HDAC5: variants seen among roughly 807,000 people sequenced by gnomAD.
The protein encoded by HDAC5 is antigen NY-CO-9.
In HDAC5, 25 loss-of-function variants were observed where a neutral mutation model predicts 133.3. The ratio of observed to expected loss-of-function variants is 0.19; its 90% CI spans 0.14 to 0.26. The LOEUF (loss-of-function observed/expected upper bound fraction) is 0.26. Among genes scored for constraint, HDAC5 ranks in the 10% least tolerant of loss-of-function variants. HDAC5 has a pLI of 1.00. For synonymous variants in HDAC5, 589 were observed against 610.8 expected (o/e 0.96, Z 0.53); for missense variants, 1,041 against 1,460.5 (o/e 0.71, Z 4.68).
At position 44,078,245 on chromosome 17, in the gene HDAC5, G is replaced by A. The variant is rs539779826; in HGVS notation, c.*131C>T. ...CACAGGGCTGGGGGCCTGAGGCAGC[G>A]TAGAGGAGCAGGAGGGGCAAGGCTG... On this transcript the variant is annotated 3_prime_UTR_variant, in exon 27 of 27. Coordinates refer to ENST00000682912, the MANE Select transcript of HDAC5 (RefSeq NM_005474.5). 95 of 949,632 alleles carry A rather than the reference G, an allele frequency of 1.0e-4. No homozygotes were observed. Among genetic ancestry groups the A allele is most frequent in the Non-Finnish European group, 1.3e-4 (87 of 663,572 alleles). The allele number at this position is 949,632 out of a possible 1,614,324, so 58.8% of individuals were successfully genotyped here.
intron 14 of HDAC5, 183 bp from the exon 15 acceptor site, chr17:44,085,338 T>TTTC (rs1405409718): frequency 2.8e-5 from 14 of 499,336 alleles, no homozygotes; most frequent in African/African-American, 2.7e-4. Context: ...TTTTTTTTTT[T>TTTC]TTCTTTGAAA....
chr17:44,087,023 GGGCTC>G (rs1277118818), intron 13 of HDAC5, among the ~76,000 whole-genome samples: 1 of 151,634 alleles, frequency 6.6e-6, no homozygotes, highest in African/African-American at 2.4e-5. Context: ...CAGGCCCGGA[GGGCTC>G]GGCTGTGTCC....
At chr17:44,109,920 G>A (rs1031256421) in intron 3 of HDAC5, among the ~76,000 whole-genome samples, 1 of 152,266 alleles carries the variant, frequency 6.6e-6, no homozygotes, top group African/African-American at 2.4e-5. Context: ...GTGCCAGGAA[G>A]GCTTGATGCT....
At chr17:44,108,607 A>G (rs2052118955) in intron 3 of HDAC5, among the ~76,000 whole-genome samples, 1 of 151,534 alleles carries the variant, frequency 6.6e-6, no homozygotes, top group Non-Finnish European at 1.5e-5. Flanking sequence ...CTGTCTGGAG[A>G]CCGATCAAGA....
At position 44,100,785 on chromosome 17, in the gene HDAC5, G is replaced by A. The variant is rs1047636372; in HGVS notation, c.95-6951C>T. Among the ~76,000 whole-genome samples, 13 of 149,772 alleles carry A rather than the reference G, an allele frequency of 8.7e-5. 2 individuals carry two copies. The highest frequency in any genetic ancestry group is 7.9e-4 in the Admixed American group (12 of 15,098). ...AATAAATAAATACATACATACATAC[G>A]TAATTTTTTTTTCTTTTTTTTGGAG... On this transcript the variant is annotated intron_variant, in intron 3 of 26. Transcript: ENST00000682912.
At chr17:44,113,355 C>A (rs1416431203) in intron 2 of HDAC5, among the ~76,000 whole-genome samples, 1 of 152,172 alleles carries the variant, frequency 6.6e-6, no homozygotes, top group Non-Finnish European at 1.5e-5. Context: ...CAGCTCCCAG[C>A]ACCATTACAG....
intron 6 of HDAC5, 135 bp from the exon 7 acceptor site, chr17:44,092,941 G>T: frequency 1.5e-6 from 1 of 660,346 alleles, no homozygotes; most frequent in South Asian, 2.0e-5. Flanking sequence ...GGGAAGGAAT[G>T]AGGAAATAAA....
chr17:44,122,424 A>C (rs985013406), intron 1 of HDAC5, among the ~76,000 whole-genome samples: 1 of 151,890 alleles, frequency 6.6e-6, no homozygotes. Context: ...GGACACTGAA[A>C]CCAATCACCA....
In HDAC5 at chr17:44,123,518, G is replaced by A. The variant is rs546366949; in HGVS notation, c.-204C>T. The A allele has an allele frequency of 1.8e-5, 7 of 392,446 alleles. No individual in the cohort carries two copies. Among genetic ancestry groups the A allele is most frequent in the South Asian group, 1.3e-4 (1 of 7,874 alleles). The allele number at this position is 392,446 out of a possible 1,614,324, so 24.3% of individuals were successfully genotyped here. A position where few individuals can be genotyped will look rare whatever the true frequency, so the allele number is the denominator to read the frequency against. On this transcript the variant is annotated 5_prime_UTR_variant, in exon 1 of 27. Coordinates refer to ENST00000682912, the MANE Select transcript of HDAC5 (RefSeq NM_005474.5). ...GGCGCGCTCACCCGCTGCGGCTCGA[G>A]CTCCGGCTTCGCGGGCGGCGGCGGC...
intron 20 of HDAC5, 113 bp downstream of exon 20, chr17:44,082,472 G>T: frequency 1.2e-6 from 1 of 804,610 alleles, no homozygotes; most frequent in Non-Finnish European, 2.1e-6. Flanking sequence ...AGCACCCGAG[G>T]ATGAGGACGA....
At chr17:44,112,410 C>T (rs764208361) in intron 2 of HDAC5, among the ~76,000 whole-genome samples, 3 of 152,178 alleles carry the variant, frequency 2.0e-5, no homozygotes, top group Non-Finnish European at 4.4e-5. Flanking sequence ...AAAGATCCCA[C>T]TTGGCCCCCT....
At chr17:44,085,564 C>G (rs181081070) in intron 14 of HDAC5, among the ~76,000 whole-genome samples, 1 of 152,004 alleles carries the variant, frequency 6.6e-6, no homozygotes, top group African/African-American at 2.4e-5. Context: ...TCCAGTGGCA[C>G]GATCTCGGCT....
At chr17:44,098,913 T>TC (rs1469873575) in intron 3 of HDAC5, among the ~76,000 whole-genome samples, 1 of 151,308 alleles carries the variant, frequency 6.6e-6, no homozygotes, top group Non-Finnish European at 1.5e-5. Context: ...GGTCAGGAGT[T>TC]CAAGACCAGC....
intron 3 of HDAC5, among the ~76,000 whole-genome samples, chr17:44,099,346 G>C (rs985596607): frequency 6.6e-6 from 1 of 152,090 alleles, no homozygotes; most frequent in Non-Finnish European, 1.5e-5. Context: ...CCTTCTCCTG[G>C]GAGTGGTGGC....
chr17:44,109,446 C>G (rs1165901414), intron 3 of HDAC5, among the ~76,000 whole-genome samples: 1 of 152,166 alleles, frequency 6.6e-6, no homozygotes, highest in Middle Eastern at 3.2e-3. Flanking sequence ...CAAGGTTACA[C>G]CCCCATCCCC....
intron 3 of HDAC5, among the ~76,000 whole-genome samples, chr17:44,095,908 T>TG (rs887630677): frequency 2.0e-5 from 3 of 152,178 alleles, no homozygotes; most frequent in South Asian, 2.1e-4. Context: ...GTGGAGGGCC[T>TG]GCTGGGTTCC....
intron 3 of HDAC5, 63 bp downstream of exon 3, chr17:44,110,666 T>C: frequency 1.5e-6 from 2 of 1,340,540 alleles, no homozygotes; most frequent in African/African-American, 2.9e-5. Flanking sequence ...CAGGGCCAGA[T>C]GCTCAGCCCA....
Position 44,117,495 on chromosome 17 carries a change from C to T in HDAC5, c.21G>A (p.Ser7=), listed in dbSNP as rs1452668000. MNSPNE[S]DGMSGREPSL... is the part of the protein sequence containing the mutation. The stretch of plus-strand genomic sequence containing the variant: ...CTTCTCCAACCTCCCAGCTCTTACC[C>T]GACTCGTTGGGAGAGTTCATGCCGG... The change falls in exon 2 of 27, where the codon TCG becomes TCA. Residue 7 remains serine, a splice_region_variant and synonymous_variant. Transcript: ENST00000682912. This position sits in a 1 kb window ranked among gnomAD's most constrained non-coding sequence, Gnocchi z 4.2. 8 of 1,614,090 alleles carry T rather than the reference C, an allele frequency of 5.0e-6. No homozygotes were observed. Among genetic ancestry groups the T allele is most frequent in the Admixed American group, 1.7e-5 (1 of 60,020 alleles).
chr17:44,101,543 A>G (rs761747557), intron 3 of HDAC5, among the ~76,000 whole-genome samples: 1 of 152,164 alleles, frequency 6.6e-6, no homozygotes, highest in African/African-American at 2.4e-5. Flanking sequence ...ATGTCTATAC[A>G]TAACATAAAT....
Sources: allele counts gnomAD v4.1 joint callset (sites outside exome capture counted in the v4.1 genomes callset), GRCh38; gene constraint gnomAD v4.1.1; non-coding constraint Gnocchi (gnomAD v3.1); transcripts MANE v1.5; gene names NCBI Gene and HGNC (gene_info 2026-07-23, HGNC 2026-07-21).